The following RMDN2 variants were observed in gnomAD, a reference collection of about 807,000 sequenced individuals.
The protein encoded by RMDN2 is regulator of microtubule dynamics protein 2.
Under a neutral mutation model 52.8 loss-of-function variants are expected in RMDN2, and 61 were observed. That is an observed-to-expected ratio of 1.16 (90% CI 0.94 to 1.43). The LOEUF is 1.43. Among genes scored for constraint, RMDN2 ranks in the 40% most tolerant of loss-of-function variants. The pLI, the probability that RMDN2 is intolerant of heterozygous loss-of-function variation, is 0.00. For synonymous variants in RMDN2, 180 were observed against 153.1 expected (o/e 1.18, Z -1.30); for missense variants, 592 against 475.3 (o/e 1.25, Z -2.28).
Position 37,996,075 on chromosome 2 carries a change from C to G in RMDN2, c.946-1341C>G, listed in dbSNP as rs78997148. On this transcript the variant is annotated intron_variant, in intron 7 of 10. Coordinates refer to ENST00000354545, the MANE Select transcript of RMDN2 (RefSeq NM_001170791.3). ...TACAGAGACTCACAAATGTGCTCCA[C>G]TGTTGAAATGATGAAATATTTCAGT... 5.4e-3 allele frequency among the ~76,000 whole-genome samples: 819 copies of G among 152,210 alleles called. 7 individuals are homozygous for G. Among genetic ancestry groups the G allele is most frequent in the African/African-American group, 0.019 (777 of 41,532 alleles).
At chr2:37,963,998 A>T (rs1243735549) in intron 2 of RMDN2, among the ~76,000 whole-genome samples, 2 of 139,480 alleles carry the variant, frequency 1.4e-5, no homozygotes, top group Admixed American at 1.4e-4. Flanking sequence ...GCTGCCCCCC[A>T]CCTCCCTCCC....
At chr2:38,055,719 C>G (rs1681834055) in intron 10 of RMDN2, among the ~76,000 whole-genome samples, 1 of 152,128 alleles carries the variant, frequency 6.6e-6, no homozygotes, top group African/African-American at 2.4e-5. Flanking sequence ...GTGTGTGTGT[C>G]TTTTAAAGAA....
At chr2:38,019,324 C>G (rs1156828902), downstream of RMDN2, among the ~76,000 whole-genome samples, 15 of 152,112 alleles carry the variant, frequency 9.9e-5, no homozygotes, top group Admixed American at 9.8e-4. Context: ...ATTTGGGACT[C>G]ATAATTGGAA....
intron 10 of RMDN2, among the ~76,000 whole-genome samples, chr2:38,039,621 T>C (rs2125286674): frequency 6.6e-6 from 1 of 152,306 alleles, no homozygotes; most frequent in East Asian, 1.9e-4. Flanking sequence ...AAATTAGGTT[T>C]GAAACAGAAG....
At chr2:38,060,902 A>G (rs1031389419) in intron 10 of RMDN2, among the ~76,000 whole-genome samples, 1 of 152,154 alleles carries the variant, frequency 6.6e-6, no homozygotes, top group Admixed American at 6.5e-5. Context: ...CCCCACTGGG[A>G]TGAGGGTGGA....
rs1220568407 is a variant in RMDN2 at position 37,974,209 on chromosome 2, G to A, written c.622G>A (p.Glu208Lys). Residue 208 changes from glutamate to lysine, a missense_variant, in exon 3 of 11, where the codon GAA becomes AAA. Glu to Lys is a moderately conservative substitution (Grantham distance 56). Coordinates refer to ENST00000354545, the MANE Select transcript of RMDN2 (RefSeq NM_001170791.3). ...TTTTGAACTACTTCGTGACCACAAAGAAAAGGTAAGAGACATAACAATAGC... is the reference window on the plus strand; with the variant it reads ...TTTTGAACTACTTCGTGACCACAAAAAAAAGGTAAGAGACATAACAATAGC... ...ESFELLRDHK[E>K]KFRDEIEFMW... The A allele has an allele frequency of 2.5e-6, 4 of 1,609,344 alleles. No homozygotes were observed. Among genetic ancestry groups the A allele is most frequent in the Middle Eastern group, 1.6e-4 (1 of 6,074 alleles).
In RMDN2 at chr2:37,951,318, A is replaced by G. The variant is rs369326775; in HGVS notation, c.452+21589A>G. The G allele has an allele frequency of 2.1e-5, 34 of 1,612,848 alleles. No individual in the cohort carries two copies. Among genetic ancestry groups the G allele is most frequent in the African/African-American group, 2.7e-5 (2 of 74,848 alleles). ...CGCCCAGCATCGTGGAGCCTCTTCT[A>G]TTTCACAACCAAGTATATCTCTTGG... is the stretch of plus-strand genomic sequence containing the variant. On this transcript the variant is annotated intron_variant, in intron 2 of 10. Coordinates refer to ENST00000354545, the MANE Select transcript of RMDN2 (RefSeq NM_001170791.3).
intron 10 of RMDN2, among the ~76,000 whole-genome samples, chr2:38,040,111 G>C (rs1006195850): frequency 6.7e-6 from 1 of 148,642 alleles, no homozygotes; most frequent in South Asian, 2.1e-4. Flanking sequence ...AATTTTTCCA[G>C]TACTACTTGT....
At chr2:37,950,265 T>C (rs1020816062) in intron 2 of RMDN2, 2 of 487,026 alleles carry the variant, frequency 4.1e-6, no homozygotes, top group African/African-American at 2.0e-5. Flanking sequence ...ATATATGTTA[T>C]TGTCCTTATC....
chr2:38,064,369 A>T (rs1305827157), intron 10 of RMDN2, among the ~76,000 whole-genome samples: 1 of 152,110 alleles, frequency 6.6e-6, no homozygotes, highest in Non-Finnish European at 1.5e-5. Context: ...GTATGCCTGT[A>T]GTCCCAGCTA....
chr2:37,961,994 C>T (rs1031194834), intron 2 of RMDN2, among the ~76,000 whole-genome samples: 1 of 152,230 alleles, frequency 6.6e-6, no homozygotes, highest in South Asian at 2.1e-4. Flanking sequence ...ACTCCAAACA[C>T]TGTTTGCCTG....
At chr2:37,939,475 A>T (rs187481093) in intron 2 of RMDN2, among the ~76,000 whole-genome samples, 1 of 152,270 alleles carries the variant, frequency 6.6e-6, no homozygotes, top group East Asian at 1.9e-4. Context: ...TGATTTGTCT[A>T]ATATTGACAG....
At chr2:38,054,340 A>T (rs1681762163) in intron 10 of RMDN2, among the ~76,000 whole-genome samples, 1 of 152,246 alleles carries the variant, frequency 6.6e-6, no homozygotes, top group Non-Finnish European at 1.5e-5. Context: ...TGCTAAAAGT[A>T]TTTTACTGTT....
At chr2:37,932,907 CG>C (rs1404014573) in intron 2 of RMDN2, among the ~76,000 whole-genome samples, 3 of 146,688 alleles carry the variant, frequency 2.0e-5, no homozygotes, top group South Asian at 2.2e-4. Context: ...GCTGGCCGGG[CG>C]GGGGGCTGAC....
chr2:38,011,677 T>C (rs556436337), intron 10 of RMDN2, among the ~76,000 whole-genome samples: 1 of 152,192 alleles, frequency 6.6e-6, no homozygotes, highest in Admixed American at 6.5e-5. Flanking sequence ...AAATCATCAG[T>C]TATGGAAATT....
chr2:37,977,693 C>G (rs1424530694), intron 4 of RMDN2, among the ~76,000 whole-genome samples: 1 of 151,908 alleles, frequency 6.6e-6, no homozygotes, highest in African/African-American at 2.4e-5. Flanking sequence ...GGGTCGCGGC[C>G]GGGTAGAGGC....
chr2:37,971,364 C>G (rs1382622694), intron 2 of RMDN2, among the ~76,000 whole-genome samples: 2 of 152,058 alleles, frequency 1.3e-5, no homozygotes, highest in African/African-American at 4.8e-5. Flanking sequence ...TCTTGGCACT[C>G]TTATCAAAAT....
upstream of RMDN2, among the ~76,000 whole-genome samples, chr2:37,922,037 T>A (rs1666046600): frequency 6.6e-6 from 1 of 152,210 alleles, no homozygotes; most frequent in Non-Finnish European, 1.5e-5. Flanking sequence ...GCTCTTTGCC[T>A]GTGCGCTTCT....
At chr2:37,996,903 C>G (rs1167493851) in intron 7 of RMDN2, among the ~76,000 whole-genome samples, 2 of 152,116 alleles carry the variant, frequency 1.3e-5, no homozygotes, top group Non-Finnish European at 2.9e-5. Flanking sequence ...ATTCCCTGCT[C>G]CTTCTGGCTT....
Sources: allele counts gnomAD v4.1 joint callset (sites outside exome capture counted in the v4.1 genomes callset), GRCh38; gene constraint gnomAD v4.1.1; transcripts MANE v1.5; gene names NCBI Gene and HGNC (gene_info 2026-07-23, HGNC 2026-07-21).